SPATA13: variants seen among roughly 807,000 people sequenced by gnomAD.
The protein encoded by SPATA13 is spermatogenesis-associated protein 13.
Under a neutral mutation model 104.0 loss-of-function variants are expected in SPATA13, and 50 were observed. That is an observed-to-expected ratio of 0.48 (90% confidence interval 0.38 to 0.61). The LOEUF (loss-of-function observed/expected upper bound fraction) is 0.61. Ranked by LOEUF, SPATA13 falls within the 20% of genes least tolerant of loss-of-function variation. The pLI is 0.00. For missense variants in SPATA13, 1,524 were observed against 1,690.6 expected, an observed-to-expected ratio of 0.90 and a Z score of 1.73; for synonymous variants, 606 against 667.5, an observed-to-expected ratio of 0.91 and a Z score of 1.42.
chr13:24,284,082 A>G, intron 4 of SPATA13, 53 bp from the exon 5 acceptor site: 1 of 1,555,522 alleles, frequency 6.4e-7, no homozygotes, highest in Non-Finnish European at 8.8e-7. Context: ...ATCATATGAA[A>G]AAATCTTGTT....
chr13:24,178,227 A>G lies in SPATA13; in HGVS notation c.-112+17295A>G, dbSNP rs564595035. Among the ~76,000 whole-genome samples the G allele has an allele frequency of 3.3e-5, 5 of 152,312 alleles. No homozygotes were observed. In the South Asian group the frequency reaches 1.0e-3, roughly 32 times the overall value. ...TTCCAGAAGGCGCAAACGTTCCAAT[A>G]ATAACAGCTCCTACCATTCACTCCA... On this transcript the variant is annotated intron_variant, in intron 1 of 12. Coordinates refer to ENST00000382108, the MANE Select transcript of SPATA13 (RefSeq NM_001166271.3).
intron 1 of SPATA13, among the ~76,000 whole-genome samples, chr13:24,190,883 C>G (rs1178372095): frequency 6.6e-6 from 1 of 152,078 alleles, no homozygotes; most frequent in Non-Finnish European, 1.5e-5. Context: ...GGGTAAAATG[C>G]TATCAAACAG....
Position 24,025,668 on chromosome 13 carries a change from TA to T in SPATA13, c.-112+7971del, listed in dbSNP as rs1180051176. 9.8e-5 allele frequency among the ~76,000 whole-genome samples: 15 copies of T among 152,354 alleles called. No individual in the cohort carries two copies. The South Asian group carries it at 2.1e-3, about 21-fold the overall frequency. ...CAAATTTCTGCCAATTTGGTGAATA[TA>T]AAATGGATTTTATTACGGTTTAAAT... On this transcript the variant is annotated intron_variant, in intron 3 of 14. Coordinates refer to the SPATA13 transcript ENST00000424834.
At chr13:24,098,536 G>T (rs563067929) in intron 3 of SPATA13, among the ~76,000 whole-genome samples, 1 of 151,060 alleles carries the variant, frequency 6.6e-6, no homozygotes, top group Non-Finnish European at 1.5e-5. Context: ...GTTTGAGGCC[G>T]CACTGAGCTG....
chr13:24,120,579 C>T (rs1033038317), intron 3 of SPATA13, among the ~76,000 whole-genome samples: 2 of 151,636 alleles, frequency 1.3e-5, no homozygotes, highest in African/African-American at 4.9e-5. Flanking sequence ...CACTATACCA[C>T]CCTCTGCCTC....
intron 12 of SPATA13, among the ~76,000 whole-genome samples, chr13:24,301,698 C>T (rs1237752637): frequency 6.6e-6 from 1 of 152,190 alleles, no homozygotes; most frequent in East Asian, 1.9e-4. Context: ...GGGTTCTGAG[C>T]CAAGGCCTTC....
At chr13:24,016,924 T>C (rs1876740957) in intron 2 of SPATA13, among the ~76,000 whole-genome samples, 1 of 152,116 alleles carries the variant, frequency 6.6e-6, no homozygotes, top group African/African-American at 2.4e-5. Flanking sequence ...TGAATACAGT[T>C]TTAGTTACTG....
intron 11 of SPATA13, 98 bp downstream of exon 11, chr13:24,297,833 CAG>C: frequency 3.6e-6 from 5 of 1,407,808 alleles, no homozygotes; most frequent in Non-Finnish European, 4.7e-6. Context: ...CCTTCTCCCT[CAG>C]AGCTGAATCC....
At chr13:24,125,444 C>T (rs955242525) in intron 3 of SPATA13, among the ~76,000 whole-genome samples, 13 of 152,170 alleles carry the variant, frequency 8.5e-5, no homozygotes, top group Non-Finnish European at 1.8e-4. Flanking sequence ...GTATGTACTG[C>T]AGGTTTCTCC....
chr13:23,999,387 A>AAAAAAAAAAAAC, intron 2 of SPATA13, among the ~76,000 whole-genome samples: 1 of 146,056 alleles, frequency 6.8e-6, no homozygotes, highest in Non-Finnish European at 1.5e-5. Flanking sequence ...AAAAAAAAAA[A>AAAAAAAAAAAAC]AAGCCTGTTC....
intron 3 of SPATA13, among the ~76,000 whole-genome samples, chr13:24,070,990 A>G (rs771256390): frequency 5.0e-4 from 76 of 152,088 alleles, no homozygotes; most frequent in Admixed American, 2.6e-3. Context: ...CCTTCCCTTT[A>G]TGTATATGTC....
intron 1 of SPATA13, among the ~76,000 whole-genome samples, chr13:24,174,245 A>G (rs1883120136): frequency 6.6e-6 from 1 of 152,158 alleles, no homozygotes; most frequent in African/African-American, 2.4e-5. Flanking sequence ...TGGTGTGTGT[A>G]GAGTTGCTCG....
At chr13:24,123,400 T>A in intron 3 of SPATA13, 1 of 1,289,356 alleles carries the variant, frequency 7.8e-7, no homozygotes. Flanking sequence ...CCTAGTTCAC[T>A]GCTGAAGAGG....
At chr13:24,245,584 CTTTTTTTTTTTT>C (rs61316306) in intron 2 of SPATA13, among the ~76,000 whole-genome samples, 1 of 88,630 alleles carries the variant, frequency 1.1e-5, no homozygotes, top group Non-Finnish European at 2.0e-5. Context: ...ACAGTTGTTT[CTTTTTTTTTTTT>C]TTTTTTTTTT....
chr13:24,282,340 AC>A (rs1875605155), intron 4 of SPATA13, among the ~76,000 whole-genome samples: 1 of 152,216 alleles, frequency 6.6e-6, no homozygotes. Context: ...TAGTCAAGTA[AC>A]TAGAAACGTG....
intron 3 of SPATA13, among the ~76,000 whole-genome samples, chr13:24,075,624 T>G (rs762269737): frequency 6.6e-6 from 1 of 152,242 alleles, no homozygotes; most frequent in Non-Finnish European, 1.5e-5. Context: ...GGAAAAGTTA[T>G]GACAACGTTG....
At chr13:24,256,389 T>A (rs553340314) in intron 4 of SPATA13, among the ~76,000 whole-genome samples, 61 of 152,340 alleles carry the variant, frequency 4.0e-4, no homozygotes, top group Admixed American at 7.2e-4. Flanking sequence ...ATATGCTAAT[T>A]ACCCTGATTT....
rs55973344 is a variant in SPATA13 at position 24,278,873 on chromosome 13, TTTCCTTCCTTCCTTCCTTCC to T, written c.2165-5229_2165-5210del. The T allele has an allele frequency of 6.0e-4, 672 of 1,117,112 alleles. 4 individuals are homozygous for T. In the African/African-American group the frequency reaches 9.1e-3, roughly 15 times the overall value. 69.2% of individuals were successfully genotyped at this position (1,117,112 alleles called of 1,614,324 possible). On this transcript the variant is annotated intron_variant, in intron 4 of 12. Transcript: ENST00000382108. ...GCATGAAGTCCACATGCTGTTTTTC[TTTCCTTCCTTCCTTCCTTCC>T]TTCCTTCCTTCCTTCCTTCCTTCCT... is the stretch of plus-strand genomic sequence containing the variant.
intron 2 of SPATA13, among the ~76,000 whole-genome samples, chr13:24,008,410 C>G (rs1876325110): frequency 2.0e-5 from 3 of 152,192 alleles, no homozygotes; most frequent in Non-Finnish European, 4.4e-5. Context: ...GATCTTGACG[C>G]TGATGCTCCA....
Sources: allele counts gnomAD v4.1 joint callset (sites outside exome capture counted in the v4.1 genomes callset), GRCh38; gene constraint gnomAD v4.1.1; transcripts MANE v1.5; gene names NCBI Gene and HGNC (gene_info 2026-07-23, HGNC 2026-07-21).